The following ARHGAP6 variants were observed in gnomAD, a reference collection of about 807,000 sequenced individuals.
ARHGAP6 encodes the protein Rho GTPase activating protein 6.
A neutral mutation model predicts 55.7 loss-of-function variants in ARHGAP6; 16 were observed. That is an observed-to-expected ratio of 0.29 (90% CI 0.19 to 0.44). The LOEUF (loss-of-function observed/expected upper bound fraction) is 0.44, where lower values mean the gene tolerates loss of function less well. Ranked by LOEUF, ARHGAP6 falls within the 20% of genes least tolerant of loss-of-function variation. The pLI, the probability that ARHGAP6 is intolerant of heterozygous loss-of-function variation, is 1.00. For missense variants in ARHGAP6, 698 were observed against 808.9 expected, an observed-to-expected ratio of 0.86 and a Z score of 1.66; for synonymous variants, 382 against 360.9, an observed-to-expected ratio of 1.06 and a Z score of -0.66.
chrX:11,524,553 G>C (rs1449529432), intron 1 of ARHGAP6, among the ~76,000 whole-genome samples: 1 of 111,075 alleles, frequency 9.0e-6, no homozygotes, highest in African/African-American at 3.3e-5. Context: ...TGGATGCTTT[G>C]GTCTATTTGT....
intron 1 of ARHGAP6, among the ~76,000 whole-genome samples, chrX:11,593,884 C>A (rs2147134868): frequency 8.9e-6 from 1 of 112,150 alleles, no homozygotes; most frequent in African/African-American, 3.2e-5. Flanking sequence ...GGGTCCAGCA[C>A]AAAATAAAAA....
At chrX:11,430,771 G>C (rs1045047547) in intron 1 of ARHGAP6, among the ~76,000 whole-genome samples, 6 of 111,198 alleles carry the variant, frequency 5.4e-5, no homozygotes, top group African/African-American at 2.0e-4. Context: ...AAATGTATGG[G>C]GTAACAGTGT....
intron 1 of ARHGAP6, among the ~76,000 whole-genome samples, chrX:11,616,088 G>A (rs1447974304): frequency 9.0e-6 from 1 of 111,277 alleles, no homozygotes; most frequent in Non-Finnish European, 1.9e-5. Flanking sequence ...GCTTGGTGCT[G>A]TTCTCACTCT....
At chrX:11,351,858 G>A (rs2048867186) in intron 1 of ARHGAP6, among the ~76,000 whole-genome samples, 1 of 111,966 alleles carries the variant, frequency 8.9e-6, no homozygotes, top group Non-Finnish European at 1.9e-5. Context: ...ACAGCTCACT[G>A]TCAAACAGGG....
intron 1 of ARHGAP6, among the ~76,000 whole-genome samples, chrX:11,594,820 A>G (rs1272231937): frequency 8.9e-6 from 1 of 112,144 alleles, no homozygotes; most frequent in Non-Finnish European, 1.9e-5. Flanking sequence ...TGTATTTCAC[A>G]AAGCAGTTTT....
intron 6 of ARHGAP6, among the ~76,000 whole-genome samples, chrX:11,179,685 A>G (rs2046286069): frequency 9.4e-6 from 1 of 106,116 alleles, no homozygotes; most frequent in African/African-American, 3.4e-5. Flanking sequence ...ATACACATGT[A>G]TATATGTATA....
intron 2 of ARHGAP6, among the ~76,000 whole-genome samples, chrX:11,240,229 T>A (rs1308455798): frequency 8.9e-6 from 1 of 112,305 alleles, no homozygotes; most frequent in East Asian, 2.8e-4. Flanking sequence ...CTTACTGCCA[T>A]TGCCACCCCG....
At chrX:11,511,969 G>A (rs1314515813) in intron 1 of ARHGAP6, among the ~76,000 whole-genome samples, 1 of 111,077 alleles carries the variant, frequency 9.0e-6, no homozygotes, top group African/African-American at 3.3e-5. Flanking sequence ...TGGGACTACA[G>A]GTGCCTGCCA....
chrX:11,312,004 T>C (rs183687943), intron 1 of ARHGAP6, among the ~76,000 whole-genome samples: 9,599 of 109,583 alleles, frequency 0.088, 422 homozygotes, highest in Middle Eastern at 0.18. Context: ...AAAAAAAAAA[T>C]GTTTCATGCT....
intron 1 of ARHGAP6, among the ~76,000 whole-genome samples, chrX:11,392,017 A>C (rs921703197): frequency 2.7e-5 from 3 of 112,283 alleles, no homozygotes; most frequent in Admixed American, 9.5e-5. Flanking sequence ...TGGGCACAGA[A>C]GTAAAATAGA....
chrX:11,546,104 T>C (rs1386546781), intron 1 of ARHGAP6, among the ~76,000 whole-genome samples: 1 of 111,094 alleles, frequency 9.0e-6, no homozygotes, highest in Non-Finnish European at 1.9e-5. Flanking sequence ...GGTTATTTCA[T>C]TGTTTTCTGT....
At chrX:11,495,038 G>C (rs2050608409) in intron 1 of ARHGAP6, among the ~76,000 whole-genome samples, 1 of 111,911 alleles carries the variant, frequency 8.9e-6, no homozygotes, top group Admixed American at 9.5e-5. Context: ...ATCAGTAATA[G>C]AGAACCTCAG....
chrX:11,277,880 T>C (rs1456026631), intron 1 of ARHGAP6, among the ~76,000 whole-genome samples: 5 of 111,851 alleles, frequency 4.5e-5, no homozygotes, highest in African/African-American at 1.6e-4. Context: ...TATTCTTGCC[T>C]ATATCAGAAG....
chrX:11,175,416 C>T (rs184236572), intron 8 of ARHGAP6, among the ~76,000 whole-genome samples: 182 of 112,143 alleles, frequency 1.6e-3, no homozygotes, highest in Non-Finnish European at 2.8e-3. Context: ...TAGAAACCCT[C>T]GTAAACCCTG....
At chrX:11,587,354 T>C (rs1325966918) in intron 1 of ARHGAP6, among the ~76,000 whole-genome samples, 1 of 111,792 alleles carries the variant, frequency 8.9e-6, no homozygotes, top group Non-Finnish European at 1.9e-5. Flanking sequence ...ATATAATTTT[T>C]AAAGCAATGT....
intron 1 of ARHGAP6, among the ~76,000 whole-genome samples, chrX:11,437,875 A>G (rs1273328304): frequency 8.9e-6 from 1 of 112,321 alleles, no homozygotes; most frequent in African/African-American, 3.2e-5. Flanking sequence ...GGACAGGCAC[A>G]CAGAACTGGT....
intron 1 of ARHGAP6, among the ~76,000 whole-genome samples, chrX:11,355,683 G>A (rs905581691): frequency 8.9e-6 from 1 of 111,732 alleles, no homozygotes; most frequent in African/African-American, 3.3e-5. Flanking sequence ...GTGGTAAAAA[G>A]GAATCCTGTT....
chrX:11,156,435 C>G (rs1389104877), intron 10 of ARHGAP6, 94 bp downstream of exon 10: 1 of 796,867 alleles, frequency 1.3e-6, no homozygotes, highest in African/African-American at 2.1e-5. Flanking sequence ...TTCAGGTCAC[C>G]CTGCATGTAC....
intron 1 of ARHGAP6, among the ~76,000 whole-genome samples, chrX:11,553,049 G>A (rs1350603070): frequency 9.0e-6 from 1 of 111,079 alleles, no homozygotes; most frequent in Non-Finnish European, 1.9e-5. Flanking sequence ...ATTCAAAAAT[G>A]TATACATATG....
Sources: allele counts gnomAD v4.1 joint callset (sites outside exome capture counted in the v4.1 genomes callset), GRCh38; gene constraint gnomAD v4.1.1; transcripts MANE v1.5; gene names NCBI Gene and HGNC (gene_info 2026-07-23, HGNC 2026-07-21).